Variants in SEPTIN9 observed in about 807,000 individuals in gnomAD.
SEPTIN9 encodes the protein septin-9.
In SEPTIN9, 13 loss-of-function variants were observed where a neutral mutation model predicts 56.6. The ratio of observed to expected loss-of-function variants is 0.23; its 90% CI spans 0.15 to 0.37. SEPTIN9 has a LOEUF of 0.37. Among genes scored for constraint, SEPTIN9 ranks in the 10% least tolerant of loss-of-function variants. The pLI is 1.00. For synonymous variants in SEPTIN9, 332 were observed against 334.1 expected (o/e 0.99, Z 0.07); for missense variants, 650 against 823.1 (o/e 0.79, Z 2.57).
At chr17:77,406,816 G>A (rs530377831) in intron 3 of SEPTIN9, among the ~76,000 whole-genome samples, 2 of 152,198 alleles carry the variant, frequency 1.3e-5, no homozygotes, top group South Asian at 2.1e-4. Flanking sequence ...GACTATAGGC[G>A]TGGGCTACCA....
intron 1 of SEPTIN9, among the ~76,000 whole-genome samples, chr17:77,295,641 C>T (rs531624067): frequency 6.6e-5 from 10 of 152,252 alleles, no homozygotes; most frequent in South Asian, 2.1e-4. Context: ...GTGGGAGGCA[C>T]GGAGGGGGAT....
At chr17:77,284,285 G>A (rs1469398019) in intron 1 of SEPTIN9, among the ~76,000 whole-genome samples, 4 of 152,206 alleles carry the variant, frequency 2.6e-5, no homozygotes, top group South Asian at 2.1e-4. Flanking sequence ...CCTGGGTGGC[G>A]TCATGAGACC....
chr17:77,333,393 A>G (rs2033433318), intron 2 of SEPTIN9, among the ~76,000 whole-genome samples: 1 of 151,726 alleles, frequency 6.6e-6, no homozygotes. Context: ...TTGCCTGTTC[A>G]TTTTCTTTCC....
In SEPTIN9 at chr17:77,453,930, C is replaced by T. The variant is rs552224525; in HGVS notation, c.722-28214C>T. ...TGGCTTCCCTGCCGGTGTCAAAGGT[C>T]TCAAGGCCCCTTTAAGAAGCCTGTC... On this transcript the variant is annotated intron_variant, in intron 3 of 11. Transcript: ENST00000427177. This position sits in a 1 kb window ranked among gnomAD's most constrained non-coding sequence, Gnocchi z 4.4. 6.4e-4 allele frequency: 290 copies of T among 454,754 alleles called. 1 individual carries two copies. The highest frequency in any genetic ancestry group is 5.8e-3 in the African/African-American group (271 of 46,978). 28.2% of individuals were successfully genotyped at this position (454,754 alleles called of 1,614,324 possible).
rs538935017 is a variant in SEPTIN9 at position 77,325,062 on chromosome 17, A to T, written c.76+17865A>T. 3.9e-5 allele frequency among the ~76,000 whole-genome samples: 6 copies of T among 152,064 alleles called. No homozygotes were observed. In the South Asian group the frequency reaches 8.3e-4, roughly 21 times the overall value. ...TCGAACTCCTGACCTCAAGTAATCCACCCGTCTCGGCCTCCCAAAGTGCCG... is the reference window on the plus strand; with the variant it reads ...TCGAACTCCTGACCTCAAGTAATCCTCCCGTCTCGGCCTCCCAAAGTGCCG... On this transcript the variant is annotated intron_variant, in intron 2 of 11. Coordinates refer to ENST00000427177, the MANE Select transcript of SEPTIN9 (RefSeq NM_001113491.2).
chr17:77,410,833 C>T (rs1258292040), intron 3 of SEPTIN9, among the ~76,000 whole-genome samples: 2 of 152,134 alleles, frequency 1.3e-5, no homozygotes, highest in African/African-American at 2.4e-5. Context: ...GGTGTCGCCC[C>T]GTGTCTCTCT....
At chr17:77,308,395 C>T (rs944270303) in intron 2 of SEPTIN9, among the ~76,000 whole-genome samples, 7 of 152,244 alleles carry the variant, frequency 4.6e-5, no homozygotes, top group South Asian at 4.1e-4. Context: ...GGCATGTGCC[C>T]ATCTGGAGCC....
chr17:77,289,386 C>T (rs941130452), intron 1 of SEPTIN9, among the ~76,000 whole-genome samples: 8 of 150,472 alleles, frequency 5.3e-5, no homozygotes, highest in African/African-American at 9.8e-5. Context: ...CATGAGCTAC[C>T]GCGCCCAGCT....
rs1307560988 is a variant in SEPTIN9 at position 77,373,520 on chromosome 17, C to T, written c.77-28539C>T. On this transcript the variant is annotated intron_variant, in intron 2 of 11. Coordinates refer to ENST00000427177, the MANE Select transcript of SEPTIN9 (RefSeq NM_001113491.2). ...ATCATGTCGGACCCCGCGGTCAACG[C>T]GCAGCTGGATGGGATCATTTCGGAC... 6.5e-6 allele frequency: 10 copies of T among 1,543,228 alleles called. No individual in the cohort carries two copies. The Admixed American group carries it at 2.0e-4, about 30-fold the overall frequency.
intron 1 of SEPTIN9, among the ~76,000 whole-genome samples, chr17:77,297,529 A>G (rs1333679231): frequency 1.3e-5 from 2 of 152,204 alleles, no homozygotes; most frequent in Non-Finnish European, 2.9e-5. Context: ...GTCAGCCACC[A>G]CACAGGCTCA....
At position 77,498,651 on chromosome 17, in the gene SEPTIN9, A is replaced by G. The variant is rs749992229; in HGVS notation, c.1754A>G (p.Glu585Gly). The G allele has an allele frequency of 1.8e-5, 29 of 1,608,240 alleles. No individual in the cohort carries two copies. In the South Asian group the frequency reaches 2.8e-4, roughly 15 times the overall value. ...GAGGAGAAGGAGCCAGAAGCCCCGGAGATGTAGACGCCACCCTGCCCACCC... is the reference window on the plus strand; with the variant it reads ...GAGGAGAAGGAGCCAGAAGCCCCGGGGATGTAGACGCCACCCTGCCCACCC... ...GMEEKEPEAP[E>G]M is the part of the protein sequence containing the mutation. The change falls in exon 12 of 12, where the codon GAG (glutamate) becomes GGG (glycine). Residue 585 changes from glutamate to glycine, a missense_variant. Glu to Gly is a moderately conservative substitution (Grantham distance 98). Transcript: ENST00000427177.
In SEPTIN9 at chr17:77,405,126, G is replaced by A; in HGVS notation, c.721+2423G>A. ...GCTGGATGCACAGGGACGTGGTCCT[G>A]GCTCTGGGGGACAGGTAGGGGGATG... is the stretch of plus-strand genomic sequence containing the variant. On this transcript the variant is annotated intron_variant, in intron 3 of 11. Transcript: ENST00000427177. The surrounding 1 kb of genome is among the most constrained non-coding windows in gnomAD (Gnocchi z 5.8). 2 of 1,535,490 alleles carry A rather than the reference G, an allele frequency of 1.3e-6. No homozygotes were observed. Among genetic ancestry groups the A allele is most frequent in the Non-Finnish European group, 1.7e-6 (2 of 1,146,774 alleles).
At chr17:77,372,965 C>T (rs1426434386) in intron 2 of SEPTIN9, among the ~76,000 whole-genome samples, 1 of 152,202 alleles carries the variant, frequency 6.6e-6, no homozygotes, top group Admixed American at 6.5e-5. Flanking sequence ...GCAGAAGGAC[C>T]CTGCGCCCGG....
intron 3 of SEPTIN9, among the ~76,000 whole-genome samples, chr17:77,464,942 A>G (rs954519090): frequency 1.6e-4 from 24 of 152,208 alleles, no homozygotes; most frequent in Admixed American, 5.9e-4. Context: ...CATTAATCCC[A>G]GCACATTTCA....
intron 2 of SEPTIN9, among the ~76,000 whole-genome samples, chr17:77,349,089 CT>C (rs1568007039): frequency 6.6e-6 from 1 of 151,932 alleles, no homozygotes; most frequent in Non-Finnish European, 1.5e-5. Flanking sequence ...GTCATTCTTT[CT>C]TTTTTTATTT....
chr17:77,480,593 G>A (rs571459563), intron 3 of SEPTIN9, among the ~76,000 whole-genome samples: 2 of 152,334 alleles, frequency 1.3e-5, no homozygotes, highest in South Asian at 4.1e-4. Context: ...CTGTCTGGGA[G>A]GGCTGCTCAC....
intron 4 of SEPTIN9, among the ~76,000 whole-genome samples, chr17:77,486,311 C>A (rs1287144318): frequency 6.6e-6 from 1 of 151,874 alleles, no homozygotes; most frequent in African/African-American, 2.4e-5. Flanking sequence ...TCTGTGTTGC[C>A]CAGGCTGGTC....
At position 77,450,856 on chromosome 17, in the gene SEPTIN9, G is replaced by A; in HGVS notation, c.722-31288G>A. 1.0e-6 allele frequency: 1 copy of A among 968,836 alleles called. No individual in the cohort carries two copies. The highest frequency in any genetic ancestry group is 1.2e-6 in the Non-Finnish European group (1 of 814,800). 60.0% of individuals were successfully genotyped at this position (968,836 alleles called of 1,614,324 possible). On this transcript the variant is annotated intron_variant, in intron 3 of 11. Coordinates refer to ENST00000427177, the MANE Select transcript of SEPTIN9 (RefSeq NM_001113491.2). The surrounding 1 kb of genome is among the most constrained non-coding windows in gnomAD (Gnocchi z 6.0). ...TCCCTTCCATGGTCCCAGCCAGCAA[G>A]CACCTGGGGTAGAGGGGACAAACCC...
intron 3 of SEPTIN9, among the ~76,000 whole-genome samples, chr17:77,447,865 T>A (rs2144384349): frequency 6.6e-6 from 1 of 152,340 alleles, no homozygotes. Flanking sequence ...CCTCAGGCAA[T>A]GTGCTCGCCT....
Sources: allele counts gnomAD v4.1 joint callset (sites outside exome capture counted in the v4.1 genomes callset), GRCh38; gene constraint gnomAD v4.1.1; non-coding constraint Gnocchi (gnomAD v3.1); transcripts MANE v1.5; gene names NCBI Gene and HGNC (gene_info 2026-07-23, HGNC 2026-07-21).